Variants in CNOT4 observed in about 807,000 individuals in gnomAD.
CNOT4 encodes the protein CCR4-NOT transcription complex subunit 4, also known as CCR4-associated factor 4.
In CNOT4, 8 loss-of-function variants were observed where a neutral mutation model predicts 73.8. The observed-to-expected ratio is 0.11, with a 90% CI of 0.06 to 0.20. The LOEUF (loss-of-function observed/expected upper bound fraction) is 0.20. Among genes scored for constraint, CNOT4 ranks in the 10% least tolerant of loss-of-function variants. CNOT4 has a pLI of 1.00. For synonymous variants in CNOT4, 293 were observed against 321.1 expected (o/e 0.91, Z 0.94); for missense variants, 564 against 883.4 (o/e 0.64, Z 4.58).
At chr7:135,498,183 G>T (rs1803719072) in intron 1 of CNOT4, among the ~76,000 whole-genome samples, 1 of 152,088 alleles carries the variant, frequency 6.6e-6, no homozygotes, top group African/African-American at 2.4e-5. Flanking sequence ...CATACTCCCA[G>T]CAGAAGTAAT....
chr7:135,390,441 T>C (rs549870864), intron 10 of CNOT4, among the ~76,000 whole-genome samples: 3 of 151,298 alleles, frequency 2.0e-5, no homozygotes, highest in East Asian at 1.9e-4. Context: ...ATGGTTCCAA[T>C]AATAATAAAA....
intron 7 of CNOT4, among the ~76,000 whole-genome samples, chr7:135,401,873 A>C (rs1029666854): frequency 9.2e-5 from 14 of 152,204 alleles, no homozygotes; most frequent in African/African-American, 3.4e-4. Context: ...AAGATGCTGA[A>C]GTCCATAAAT....
At chr7:135,495,906 C>T (rs1463797669) in intron 1 of CNOT4, among the ~76,000 whole-genome samples, 1 of 151,620 alleles carries the variant, frequency 6.6e-6, no homozygotes, top group African/African-American at 2.4e-5. Flanking sequence ...TGCACTCCAG[C>T]CTGGAAAACA....
chr7:135,387,319 A>G, intron 10 of CNOT4: 7 of 985,394 alleles, frequency 7.1e-6, no homozygotes, highest in Non-Finnish European at 8.4e-6. Flanking sequence ...GCCTCAGTTA[A>G]CCAAATCTAA....
At chr7:135,472,686 A>G (rs547967094) in intron 1 of CNOT4, among the ~76,000 whole-genome samples, 3 of 149,988 alleles carry the variant, frequency 2.0e-5, no homozygotes, top group African/African-American at 7.4e-5. Context: ...TAAATATGCA[A>G]CACACGAATT....
chr7:135,395,831 G>A lies in CNOT4; in HGVS notation c.932C>T (p.Pro311Leu). The change falls in exon 9 of 12, where the codon CCA (proline) becomes CTA (leucine). Residue 311 changes from proline to leucine, a missense_variant. Physicochemically the swap from Pro to Leu is moderately conservative, Grantham distance 98. Transcript: ENST00000541284. Reference protein sequence around the residue: ...SPPPGLSKSNPVIPISSSNHS... With the variant: ...SPPPGLSKSNLVIPISSSNHS... Reference sequence around the variant, plus strand: ...ATTGGATGAACTGATGGGGATGACTGGATTGGATTTTGACAAACCAGGTGG... The same window carrying A: ...ATTGGATGAACTGATGGGGATGACTAGATTGGATTTTGACAAACCAGGTGG... 6.2e-7 allele frequency: 1 copy of A among 1,612,272 alleles called. No homozygotes were observed. Among genetic ancestry groups the A allele is most frequent in the Non-Finnish European group, 8.5e-7 (1 of 1,178,348 alleles).
intron 1 of CNOT4, among the ~76,000 whole-genome samples, chr7:135,465,673 G>T (rs991543118): frequency 6.6e-6 from 1 of 152,090 alleles, no homozygotes; most frequent in Non-Finnish European, 1.5e-5. Context: ...GGAAGACAAT[G>T]GTGATGATCC....
intron 1 of CNOT4, among the ~76,000 whole-genome samples, chr7:135,454,868 A>G (rs934396495): frequency 2.0e-5 from 3 of 152,170 alleles, no homozygotes; most frequent in African/African-American, 7.2e-5. Flanking sequence ...TGTGTGACAG[A>G]GTGACAGCGT....
chr7:135,483,826 C>CA (rs1398134254), intron 1 of CNOT4, among the ~76,000 whole-genome samples: 2 of 152,000 alleles, frequency 1.3e-5, no homozygotes, highest in East Asian at 3.9e-4. Context: ...AAAAACAAAA[C>CA]AAAACCAAAC....
At chr7:135,467,805 A>C (rs946729399) in intron 1 of CNOT4, among the ~76,000 whole-genome samples, 1 of 152,228 alleles carries the variant, frequency 6.6e-6, no homozygotes, top group African/African-American at 2.4e-5. Context: ...TAAAGGAAAG[A>C]ACAGAGAGAA....
intron 1 of CNOT4, among the ~76,000 whole-genome samples, chr7:135,454,859 G>T (rs1234859533): frequency 6.6e-6 from 1 of 152,098 alleles, no homozygotes; most frequent in African/African-American, 2.4e-5. Flanking sequence ...ACTCCAGCCT[G>T]TGTGACAGAG....
chr7:135,480,527 G>A (rs10250306), intron 1 of CNOT4, among the ~76,000 whole-genome samples: 14,736 of 152,136 alleles, frequency 0.097, 769 homozygotes, highest in Middle Eastern at 0.12. Flanking sequence ...TGATCACACA[G>A]TCTTGTCAAA....
Position 135,362,876 on chromosome 7 carries a change from C to T in CNOT4, c.*9G>A, listed in dbSNP as rs1458764585. On this transcript the variant is annotated 3_prime_UTR_variant, in exon 12 of 12. Coordinates refer to ENST00000541284, the MANE Select transcript of CNOT4 (RefSeq NM_001190850.2). Reference sequence around the variant, plus strand: ...AATCCTGCATTTTCTAATGGTTGCTCCTCTTTGCCTAATGGCGGTCCAGTG... The same window carrying T: ...AATCCTGCATTTTCTAATGGTTGCTTCTCTTTGCCTAATGGCGGTCCAGTG... The T allele has an allele frequency of 1.2e-6, 2 of 1,612,138 alleles. No individual in the cohort carries two copies. Among genetic ancestry groups the T allele is most frequent in the Non-Finnish European group, 8.5e-7 (1 of 1,178,720 alleles).
chr7:135,401,454 T>C (rs1796996480), intron 7 of CNOT4, among the ~76,000 whole-genome samples: 1 of 152,224 alleles, frequency 6.6e-6, no homozygotes, highest in African/African-American at 2.4e-5. Flanking sequence ...AGGGCTTTTT[T>C]TATTTAAAAA....
At chr7:135,461,309 C>T (rs1360799527) in intron 1 of CNOT4, among the ~76,000 whole-genome samples, 1 of 152,098 alleles carries the variant, frequency 6.6e-6, no homozygotes, top group East Asian at 1.9e-4. Context: ...AAGAAATAAG[C>T]AATTTTAAAG....
intron 3 of CNOT4, among the ~76,000 whole-genome samples, chr7:135,419,142 CT>C (rs150886946): frequency 0.033 from 5,055 of 151,674 alleles, 310 homozygotes; most frequent in African/African-American, 0.12. Context: ...CTTCTAAGAT[CT>C]TTTTTTTTCT....
chr7:135,382,531 G>C (rs917208911), intron 10 of CNOT4, among the ~76,000 whole-genome samples: 1 of 148,400 alleles, frequency 6.7e-6, no homozygotes, highest in African/African-American at 2.5e-5. Flanking sequence ...TACTTTATTA[G>C]AAAACTAAGG....
At chr7:135,482,784 C>T (rs1355641092) in intron 1 of CNOT4, among the ~76,000 whole-genome samples, 4 of 151,726 alleles carry the variant, frequency 2.6e-5, no homozygotes, top group Non-Finnish European at 4.4e-5. Flanking sequence ...AGTTCAAGAC[C>T]AGCCTGGCCA....
At chr7:135,405,678 CT>C (rs1797239779) in intron 7 of CNOT4, among the ~76,000 whole-genome samples, 1 of 152,028 alleles carries the variant, frequency 6.6e-6, no homozygotes. Flanking sequence ...TGACAAATTC[CT>C]TTTTTAGAAT....
Sources: gnomAD v4.1 joint callset for allele counts (sites outside exome capture counted in the v4.1 genomes callset) on GRCh38, gnomAD v4.1.1 for gene constraint, MANE v1.5 for transcripts, NCBI Gene and HGNC (gene_info 2026-07-23, HGNC 2026-07-21) for gene names.